PTPRD: variants seen among roughly 807,000 people sequenced by gnomAD.
The protein encoded by PTPRD is protein tyrosine phosphatase receptor type D.
A neutral mutation model predicts 214.5 loss-of-function variants in PTPRD; 34 were observed. The observed-to-expected ratio is 0.16, with a 90% CI of 0.12 to 0.21. PTPRD has a LOEUF of 0.21. PTPRD is among the 10% of genes least tolerant of loss of function. The pLI is 1.00. For synonymous variants in PTPRD, 1,128 were observed against 845.7 expected (o/e 1.33, Z -5.79); for missense variants, 2,545 against 2,398.7 (o/e 1.06, Z -1.27).
At chr9:9,920,976 G>A (rs1422432312) in intron 5 of PTPRD, among the ~76,000 whole-genome samples, 3 of 152,078 alleles carry the variant, frequency 2.0e-5, no homozygotes, top group Non-Finnish European at 2.9e-5. Context: ...ACAAGTTGCA[G>A]GCACTAAGGC....
At chr9:9,384,554 G>A (rs2063318818) in intron 9 of PTPRD, among the ~76,000 whole-genome samples, 1 of 151,012 alleles carries the variant, frequency 6.6e-6, no homozygotes, top group Non-Finnish European at 1.5e-5. Context: ...CATGGTCTTG[G>A]CACTTGTAAC....
At chr9:9,624,463 T>C (rs1164320951) in intron 7 of PTPRD, among the ~76,000 whole-genome samples, 1 of 152,032 alleles carries the variant, frequency 6.6e-6, no homozygotes. Context: ...TTTTTTTGTA[T>C]TTTTAGTAGA....
At chr9:8,793,167 G>C (rs2096290565) in intron 11 of PTPRD, among the ~76,000 whole-genome samples, 1 of 152,150 alleles carries the variant, frequency 6.6e-6, no homozygotes, top group Admixed American at 6.6e-5. Context: ...TTGTAACAGG[G>C]TTACTGCATG....
At chr9:10,174,367 C>T (rs1212488752) in intron 3 of PTPRD, among the ~76,000 whole-genome samples, 1 of 152,108 alleles carries the variant, frequency 6.6e-6, no homozygotes, top group Admixed American at 6.6e-5. Flanking sequence ...CTTCCTCTCT[C>T]ACCAAGTGAC....
intron 3 of PTPRD, among the ~76,000 whole-genome samples, chr9:10,249,489 G>A (rs910888025): frequency 1.3e-5 from 2 of 152,108 alleles, no homozygotes; most frequent in Admixed American, 1.3e-4. Context: ...ATACCATTAG[G>A]CAAAAGCACA....
At chr9:9,438,539 G>A (rs533757667) in intron 8 of PTPRD, among the ~76,000 whole-genome samples, 1 of 152,158 alleles carries the variant, frequency 6.6e-6, no homozygotes, top group Non-Finnish European at 1.5e-5. Context: ...GAATCTAAAT[G>A]TGTTAGCAAA....
intron 11 of PTPRD, among the ~76,000 whole-genome samples, chr9:8,800,519 G>C (rs1306078645): frequency 1.3e-5 from 2 of 152,098 alleles, no homozygotes; most frequent in African/African-American, 2.4e-5. Flanking sequence ...GTGACTTCTG[G>C]TCATTCTCAC....
At chr9:8,433,262 C>T (rs1245507082) in intron 35 of PTPRD, among the ~76,000 whole-genome samples, 1 of 152,184 alleles carries the variant, frequency 6.6e-6, no homozygotes, top group Admixed American at 6.5e-5. Flanking sequence ...TGTAATTAAA[C>T]TTATTCTGCT....
chr9:9,127,523 A>C (rs1270740761), intron 10 of PTPRD, among the ~76,000 whole-genome samples: 1 of 152,198 alleles, frequency 6.6e-6, no homozygotes, highest in Non-Finnish European at 1.5e-5. Flanking sequence ...TTGGTAAACA[A>C]AACTGAAAGG....
intron 14 of PTPRD, among the ~76,000 whole-genome samples, chr9:8,571,509 A>C (rs572628302): frequency 2.0e-5 from 3 of 152,298 alleles, no homozygotes; most frequent in African/African-American, 7.2e-5. Flanking sequence ...CATAAACATA[A>C]GGAAATAAGC....
At chr9:8,544,253 A>C (rs1593259267) in intron 14 of PTPRD, among the ~76,000 whole-genome samples, 1 of 127,172 alleles carries the variant, frequency 7.9e-6, no homozygotes, top group Admixed American at 9.1e-5. Context: ...TGCAACTTCC[A>C]CCTCCCAGGT....
At chr9:8,817,675 C>G (rs901508833) in intron 11 of PTPRD, among the ~76,000 whole-genome samples, 12 of 152,118 alleles carry the variant, frequency 7.9e-5, no homozygotes, top group Non-Finnish European at 1.8e-4. Context: ...ATAAAATATA[C>G]CTTCTATCAA....
chr9:9,970,409 G>GAAAA, intron 4 of PTPRD, among the ~76,000 whole-genome samples: 1 of 139,776 alleles, frequency 7.2e-6, no homozygotes, highest in Non-Finnish European at 1.6e-5. Context: ...GAGAGCCTGG[G>GAAAA]CGACAGCGAG....
intron 10 of PTPRD, among the ~76,000 whole-genome samples, chr9:9,065,844 A>T (rs2099729592): frequency 6.6e-6 from 1 of 152,176 alleles, no homozygotes; most frequent in African/African-American, 2.4e-5. Context: ...TGTAATGTAT[A>T]AATGTAATCC....
At chr9:8,736,970 G>A (rs575382788) in intron 11 of PTPRD, among the ~76,000 whole-genome samples, 1 of 152,238 alleles carries the variant, frequency 6.6e-6, no homozygotes, top group East Asian at 1.9e-4. Context: ...TCAAATGACA[G>A]CAAAGTCCAG....
intron 3 of PTPRD, among the ~76,000 whole-genome samples, chr9:10,127,794 T>G (rs1353226813): frequency 6.6e-6 from 1 of 152,120 alleles, no homozygotes; most frequent in Non-Finnish European, 1.5e-5. Context: ...GATCTCCAGT[T>G]CCTCTCTTTC....
chr9:9,504,959 T>G (rs1052030396), intron 8 of PTPRD, among the ~76,000 whole-genome samples: 4 of 151,680 alleles, frequency 2.6e-5, no homozygotes, highest in African/African-American at 9.7e-5. Context: ...GCATCATTCT[T>G]GGGCAATCCA....
At chr9:9,166,139 ATT>A (rs5896304) in intron 10 of PTPRD, among the ~76,000 whole-genome samples, 7,028 of 140,948 alleles carry the variant, frequency 0.05, 187 homozygotes, top group Middle Eastern at 0.11. Flanking sequence ...TCTGGGTTTG[ATT>A]TTTTTTTTTT....
chr9:8,539,097 C>A lies in PTPRD; in HGVS notation c.353-10318G>T, dbSNP rs536952395. ...TTGACCAAATATTGGACAACTTGAA[C>A]ACGAAAATTAAAAAAGACAGTATTA... is the stretch of plus-strand genomic sequence containing the variant. On this transcript the variant is annotated intron_variant, in intron 14 of 45. Coordinates refer to ENST00000381196, the MANE Select transcript of PTPRD (RefSeq NM_002839.4). 1.3e-4 allele frequency among the ~76,000 whole-genome samples: 20 copies of A among 152,054 alleles called. No individual in the cohort carries two copies. In the East Asian group the frequency reaches 3.9e-3, roughly 29 times the overall value.
Sources: allele counts gnomAD v4.1 joint callset (sites outside exome capture counted in the v4.1 genomes callset), GRCh38; gene constraint gnomAD v4.1.1; transcripts MANE v1.5; gene names NCBI Gene and HGNC (gene_info 2026-07-23, HGNC 2026-07-21).